PCDHA2: variants seen among roughly 807,000 people sequenced by gnomAD.
PCDHA2 encodes the protein protocadherin alpha 2, also known as protocadherin alpha-2.
Under a neutral mutation model 66.0 loss-of-function variants are expected in PCDHA2, and 58 were observed. That is an observed-to-expected ratio of 0.88 (90% CI 0.71 to 1.09). PCDHA2 has a LOEUF of 1.09. Among genes scored for constraint, PCDHA2 ranks in the 50% least tolerant of loss-of-function variants. The probability of loss-of-function intolerance (pLI) is 0.00; values close to 1 mark genes in which losing one functional copy is unlikely to be tolerated. For missense variants in PCDHA2, 1,267 were observed against 1,242.3 expected (o/e 1.02, Z -0.30); for synonymous variants, 634 against 554.0 (o/e 1.14, Z -2.03).
At chr5:140,941,381 A>G (rs2093056743) in intron 1 of PCDHA2, among the ~76,000 whole-genome samples, 1 of 128,140 alleles carries the variant, frequency 7.8e-6, no homozygotes, top group Non-Finnish European at 1.6e-5. Context: ...TAGTGACAGG[A>G]TTTTGGCTCA....
chr5:140,877,255 C>A (rs1554169516), intron 1 of PCDHA2: 2 of 1,613,708 alleles, frequency 1.2e-6, no homozygotes, highest in Non-Finnish European at 8.5e-7. Flanking sequence ...GGCGAAAGTG[C>A]GCGCGGTGGA....
At chr5:140,837,760 T>C (rs1554136627) in intron 1 of PCDHA2, among the ~76,000 whole-genome samples, 1 of 151,798 alleles carries the variant, frequency 6.6e-6, no homozygotes, top group African/African-American at 2.4e-5. Context: ...CACTGCAACC[T>C]GAAAGTCCTG....
Position 140,969,016 on chromosome 5 carries a change from A to C in PCDHA2, c.2389-9933A>C. Reference sequence around the variant, plus strand: ...GTGGAGGCTTCTGTGGAGTAAGGGAAAGGTCCCCTGCAGAACTGTACAAAC... The same window carrying C: ...GTGGAGGCTTCTGTGGAGTAAGGGACAGGTCCCCTGCAGAACTGTACAAAC... On this transcript the variant is annotated intron_variant, in intron 1 of 3. Coordinates refer to ENST00000526136, the MANE Select transcript of PCDHA2 (RefSeq NM_018905.3). 6.2e-7 allele frequency: 1 copy of C among 1,614,172 alleles called. No homozygotes were observed. Among genetic ancestry groups the C allele is most frequent in the South Asian group, 1.1e-5 (1 of 91,072 alleles).
At chr5:140,916,606 C>A (rs561641984) in intron 1 of PCDHA2, among the ~76,000 whole-genome samples, 1 of 152,168 alleles carries the variant, frequency 6.6e-6, no homozygotes, top group African/African-American at 2.4e-5. Context: ...GGAATGCGGG[C>A]CTCATGACTC....
At chr5:140,938,395 C>G (rs2092045479) in intron 1 of PCDHA2, among the ~76,000 whole-genome samples, 1 of 152,114 alleles carries the variant, frequency 6.6e-6, no homozygotes, top group African/African-American at 2.4e-5. Context: ...ATATGAAATA[C>G]ATTGTTTGAT....
At chr5:140,838,136 CAG>C (rs1270820690) in intron 1 of PCDHA2, among the ~76,000 whole-genome samples, 9 of 126,910 alleles carry the variant, frequency 7.1e-5, no homozygotes, top group East Asian at 2.4e-4. Flanking sequence ...GTGTGTTTGA[CAG>C]AGTTTTACTC....
chr5:140,830,083 G>A (rs141570762), intron 1 of PCDHA2: 64 of 1,613,578 alleles, frequency 4.0e-5, no homozygotes, highest in Non-Finnish European at 5.1e-5. Flanking sequence ...CGACGGCCAC[G>A]GTTCTGGTGT....
At chr5:140,817,223 C>T (rs1352619952) in intron 1 of PCDHA2, 2 of 152,296 alleles carry the variant, frequency 1.3e-5, no homozygotes, top group African/African-American at 2.4e-5. Context: ...TTCTCTTTCC[C>T]TTCTCAGGGA....
Position 140,857,655 on chromosome 5 carries a change from C to G in PCDHA2, c.2388+60303C>G, listed in dbSNP as rs782490979. 3.1e-6 allele frequency: 5 copies of G among 1,596,614 alleles called. No homozygotes were observed. The Admixed American group carries it at 6.7e-5, about 22-fold the overall frequency. ...GAGCTGCTACAGTTCCAGGTGAGCG[C>G]GCGCGATGGGGGCGTGCCGCCTCTG... On this transcript the variant is annotated intron_variant, in intron 1 of 3. Transcript: ENST00000526136.
Position 140,843,432 on chromosome 5 carries a change from T to C in PCDHA2, c.2388+46080T>C. The C allele has an allele frequency of 3.1e-6, 5 of 1,596,056 alleles. 1 individual carries two copies. The highest frequency in any genetic ancestry group is 4.3e-6 in the Non-Finnish European group (5 of 1,165,572). ...GTCAACGTGTACCTGATCATCGCCA[T>C]CTGCGCGGTATCCAGCCTGCTGGTG... On this transcript the variant is annotated intron_variant, in intron 1 of 3. Coordinates refer to ENST00000526136, the MANE Select transcript of PCDHA2 (RefSeq NM_018905.3).
chr5:140,921,809 C>T (rs886599958), intron 1 of PCDHA2, among the ~76,000 whole-genome samples: 2 of 151,940 alleles, frequency 1.3e-5, no homozygotes, highest in African/African-American at 4.8e-5. Context: ...AGATAAGATA[C>T]ATGTGTGAAT....
chr5:140,795,431 G>A lies in PCDHA2; in HGVS notation c.467G>A (p.Gly156Glu). 1 of 1,614,148 alleles carries A rather than the reference G, an allele frequency of 6.2e-7. No homozygotes were observed. Among genetic ancestry groups the A allele is most frequent in the Non-Finnish European group, 8.5e-7 (1 of 1,180,016 alleles). ...CTTGATTCTCGGTTTCCTCTAGAGGGAGCATCTGATGCAGATATAGGAGTA... is the reference window on the plus strand; with the variant it reads ...CTTGATTCTCGGTTTCCTCTAGAGGAAGCATCTGATGCAGATATAGGAGTA... ...RLLDSRFPLE[G>E]ASDADIGVNA... The change falls in exon 1 of 4, where the codon GGA (glycine) becomes GAA (glutamate). Residue 156 changes from glycine (G) to glutamate (E), a missense_variant. Gly to Glu is a moderately conservative substitution (Grantham distance 98, BLOSUM62 -2). Transcript: ENST00000526136.
intron 3 of PCDHA2, among the ~76,000 whole-genome samples, chr5:140,997,698 ATGTT>A (rs1297045627): frequency 1.4e-5 from 2 of 145,558 alleles, no homozygotes; most frequent in African/African-American, 5.1e-5. Flanking sequence ...GTGTGTGTGT[ATGTT>A]AACAAACACC....
chr5:140,947,570 TG>T (rs2094146227), intron 1 of PCDHA2, among the ~76,000 whole-genome samples: 1 of 151,820 alleles, frequency 6.6e-6, no homozygotes, highest in African/African-American at 2.4e-5. Flanking sequence ...ATATTGGGAA[TG>T]TTTTTAACAT....
intron 1 of PCDHA2, chr5:140,801,402 A>C (rs985372322): frequency 6.2e-7 from 1 of 1,613,722 alleles, no homozygotes. Context: ...GGTGGCGTCC[A>C]AAAGACACGG....
chr5:140,850,322 C>A (rs2150479524), intron 1 of PCDHA2: 3 of 1,597,382 alleles, frequency 1.9e-6, no homozygotes, highest in African/African-American at 1.3e-5. Context: ...GGCTTTCATA[C>A]GAGCTGCAGC....
At position 140,845,457 on chromosome 5, in the gene PCDHA2, T is replaced by C. The variant is rs1172652136; in HGVS notation, c.2388+48105T>C. 2.0e-5 allele frequency among the ~76,000 whole-genome samples: 3 copies of C among 149,680 alleles called. 1 individual carries two copies. The highest frequency in any genetic ancestry group is 4.5e-5 in the Non-Finnish European group (3 of 66,882). ...TTAGTTCTGTTTTTCTTCAACTCTC[T>C]GATATTTGAATTTGGGGTTGTGCTT... On this transcript the variant is annotated intron_variant, in intron 1 of 3. Coordinates refer to ENST00000526136, the MANE Select transcript of PCDHA2 (RefSeq NM_018905.3).
chr5:140,882,868 G>A (rs1283664390), intron 1 of PCDHA2: 25 of 1,614,184 alleles, frequency 1.5e-5, no homozygotes, highest in Middle Eastern at 1.6e-4. Context: ...GGAAAACACT[G>A]GACAGAGAGG....
At chr5:140,823,692 C>A in intron 1 of PCDHA2, 1 of 1,613,934 alleles carries the variant, frequency 6.2e-7, no homozygotes, top group South Asian at 1.1e-5. Flanking sequence ...TGGATGAGAC[C>A]GAAGCACCGC....
Sources: allele counts gnomAD v4.1 joint callset (sites outside exome capture counted in the v4.1 genomes callset), GRCh38; gene constraint gnomAD v4.1.1; transcripts MANE v1.5; gene names NCBI Gene and HGNC (gene_info 2026-07-23, HGNC 2026-07-21).